ACBD6: variants seen among roughly 807,000 people sequenced by gnomAD.
ACBD6 encodes acyl-CoA binding domain containing 6.
ACBD6 carries 28 observed loss-of-function variants against 37.2 expected under a neutral mutation model. The ratio of observed to expected loss-of-function variants is 0.75; its 90% CI spans 0.56 to 1.03. ACBD6 has a LOEUF of 1.03. ACBD6 is among the 50% of genes least tolerant of loss of function. The pLI is 0.00. For synonymous variants in ACBD6, 113 were observed against 126.8 expected, an observed-to-expected ratio of 0.89 and a Z score of 0.73; for missense variants, 340 against 337.4, an observed-to-expected ratio of 1.01 and a Z score of -0.06.
intron 4 of ACBD6, among the ~76,000 whole-genome samples, chr1:180,416,727 A>G (rs10798762): frequency 0.49 from 73,910 of 152,070 alleles, 20,801 homozygotes; most frequent in South Asian, 0.66. Flanking sequence ...TATGGGAAAG[A>G]GGGAGAGTGT....
intron 6 of ACBD6, among the ~76,000 whole-genome samples, chr1:180,349,157 T>A (rs543267941): frequency 6.6e-6 from 1 of 151,848 alleles, no homozygotes; most frequent in Admixed American, 6.6e-5. Flanking sequence ...TATTTACTTA[T>A]AAAAAAATAG....
intron 6 of ACBD6, among the ~76,000 whole-genome samples, chr1:180,355,523 A>AT (rs1553297302): frequency 6.6e-6 from 1 of 152,024 alleles, no homozygotes; most frequent in Non-Finnish European, 1.5e-5. Context: ...AGAGCTCATT[A>AT]TTTTTTTGCC....
chr1:180,457,753 C>T (rs951461188), intron 3 of ACBD6, among the ~76,000 whole-genome samples: 1 of 149,838 alleles, frequency 6.7e-6, no homozygotes, highest in Non-Finnish European at 1.5e-5. Flanking sequence ...ACACTAAATG[C>T]ATTATTCCAA....
chr1:180,306,455 C>G (rs565188894), intron 7 of ACBD6, among the ~76,000 whole-genome samples: 1 of 152,260 alleles, frequency 6.6e-6, no homozygotes, highest in South Asian at 2.1e-4. Flanking sequence ...TTAACCCCTT[C>G]TAGTTGCCTG....
intron 7 of ACBD6, among the ~76,000 whole-genome samples, chr1:180,308,080 C>G (rs1466679523): frequency 1.3e-5 from 2 of 152,200 alleles, no homozygotes; most frequent in Non-Finnish European, 2.9e-5. Context: ...AATATTTTCA[C>G]CAAATTTTTT....
chr1:180,317,835 T>A (rs984868955), intron 6 of ACBD6, among the ~76,000 whole-genome samples: 18 of 151,604 alleles, frequency 1.2e-4, no homozygotes, highest in African/African-American at 4.2e-4. Context: ...CTCATCTCTC[T>A]CCCAATACCT....
intron 2 of ACBD6, among the ~76,000 whole-genome samples, chr1:180,493,007 G>A (rs1355524820): frequency 5.3e-5 from 8 of 152,050 alleles, no homozygotes; most frequent in African/African-American, 1.7e-4. Context: ...CCAGCACTTT[G>A]GGAGGCTGAG....
downstream of ACBD6, among the ~76,000 whole-genome samples, chr1:180,286,464 T>A (rs188654105): frequency 6.6e-6 from 1 of 152,312 alleles, no homozygotes; most frequent in Admixed American, 6.5e-5. Flanking sequence ...TGGTTTTTGA[T>A]TTGCTAATGT....
chr1:180,306,745 A>G (rs1359418534), intron 7 of ACBD6, among the ~76,000 whole-genome samples: 2 of 152,214 alleles, frequency 1.3e-5, no homozygotes, highest in Non-Finnish European at 2.9e-5. Context: ...GTTTAAATCA[A>G]TTCTAGGAAT....
At chr1:180,356,866 AC>A in intron 6 of ACBD6, among the ~76,000 whole-genome samples, 1 of 151,244 alleles carries the variant, frequency 6.6e-6, no homozygotes, top group Non-Finnish European at 1.5e-5. Flanking sequence ...AAAAAAAAAA[AC>A]AAAGATTGTT....
chr1:180,320,458 A>G (rs974960877), intron 6 of ACBD6, among the ~76,000 whole-genome samples: 6 of 151,826 alleles, frequency 4.0e-5, no homozygotes, highest in African/African-American at 1.2e-4. Flanking sequence ...CAACATGGCG[A>G]AACCCCATCT....
chr1:180,434,626 T>C (rs150217046), intron 3 of ACBD6, among the ~76,000 whole-genome samples: 2 of 152,214 alleles, frequency 1.3e-5, no homozygotes, highest in Non-Finnish European at 2.9e-5. Context: ...ATAACTTAAC[T>C]CTCAACCAAC....
intron 6 of ACBD6, among the ~76,000 whole-genome samples, chr1:180,393,030 T>C (rs1457146463): frequency 6.6e-6 from 1 of 152,200 alleles, no homozygotes; most frequent in Non-Finnish European, 1.5e-5. Context: ...TGGGGGGTAG[T>C]TTTAATCTTT....
chr1:180,317,927 G>A (rs914142344), intron 6 of ACBD6, among the ~76,000 whole-genome samples: 1 of 151,966 alleles, frequency 6.6e-6, no homozygotes, highest in African/African-American at 2.4e-5. Flanking sequence ...CTGTAATCCT[G>A]GCACTTTGGG....
Position 180,435,427 on chromosome 1 carries a change from T to G in ACBD6, c.385-5165A>C, listed in dbSNP as rs542328862. 30 of 419,658 alleles carry G rather than the reference T, an allele frequency of 7.1e-5. 1 individual carries two copies. The South Asian group carries it at 8.6e-4, about 12-fold the overall frequency. 26.0% of individuals were successfully genotyped at this position (419,658 alleles called of 1,614,324 possible). A position where few individuals can be genotyped will look rare whatever the true frequency, so the allele number is the denominator to read the frequency against. On this transcript the variant is annotated intron_variant, in intron 3 of 7. Coordinates refer to ENST00000367595, the MANE Select transcript of ACBD6 (RefSeq NM_032360.4). ...CCACGCCTGGCTAATTTTTTTTTTT[T>G]TTTTTTTAGTAGAGACGGGGTTTCA... is the stretch of plus-strand genomic sequence containing the variant.
At chr1:180,438,501 C>G (rs982126235) in intron 3 of ACBD6, 1 of 152,734 alleles carries the variant, frequency 6.5e-6, no homozygotes, top group African/African-American at 2.4e-5. Flanking sequence ...CTATGGTCCA[C>G]TTGGTAATTA....
chr1:180,412,964 C>G (rs1443730319), intron 5 of ACBD6, among the ~76,000 whole-genome samples: 1 of 152,090 alleles, frequency 6.6e-6, no homozygotes, highest in Non-Finnish European at 1.5e-5. Context: ...TACCAAAATT[C>G]TGACAGTTTT....
At chr1:180,273,836 T>G (rs1648839407) in intron 11 of ACBD6, 4 of 306,442 alleles carry the variant, frequency 1.3e-5, no homozygotes, top group African/African-American at 2.2e-5. Context: ...TAGTTTCCAT[T>G]TGTGATGTGG....
At chr1:180,350,643 G>A (rs545862769) in intron 6 of ACBD6, among the ~76,000 whole-genome samples, 8 of 152,088 alleles carry the variant, frequency 5.3e-5, no homozygotes, top group African/African-American at 1.7e-4. Context: ...TAGTCTGCCC[G>A]AGCTGTTTCT....
Sources: allele counts gnomAD v4.1 joint callset (sites outside exome capture counted in the v4.1 genomes callset), GRCh38; gene constraint gnomAD v4.1.1; transcripts MANE v1.5; gene names NCBI Gene and HGNC (gene_info 2026-07-23, HGNC 2026-07-21).